The following RCBTB2 variants were observed in gnomAD, a reference collection of about 807,000 sequenced individuals.
RCBTB2 encodes the protein RCC1 and BTB domain-containing protein 2.
In RCBTB2, 55 loss-of-function variants were observed where a neutral mutation model predicts 65.4. The ratio of observed to expected loss-of-function variants is 0.84; its 90% CI spans 0.68 to 1.05. RCBTB2 has a LOEUF of 1.05. RCBTB2 is among the 50% of genes least tolerant of loss of function. The pLI is 0.00. For missense variants in RCBTB2, 599 were observed against 680.1 expected, an observed-to-expected ratio of 0.88 and a Z score of 1.33; for synonymous variants, 220 against 255.2, an observed-to-expected ratio of 0.86 and a Z score of 1.31.
intron 13 of RCBTB2, among the ~76,000 whole-genome samples, chr13:48,496,786 G>A (rs115731845): frequency 0.065 from 7,933 of 122,744 alleles, 960 homozygotes; most frequent in African/African-American, 0.23. Context: ...GAGGGGAGAA[G>A]AGAAGAGGGG....
intron 14 of RCBTB2, 151 bp downstream of exon 14, chr13:48,496,040 C>T (rs943578647): frequency 1.7e-6 from 1 of 573,250 alleles, no homozygotes; most frequent in Admixed American, 4.3e-5. Context: ...TAAATACTTG[C>T]TTATACGTTG....
chr13:48,534,259 A>G (rs1050207087), upstream of RCBTB2, among the ~76,000 whole-genome samples: 1 of 152,258 alleles, frequency 6.6e-6, no homozygotes, highest in African/African-American at 2.4e-5. Context: ...CATCTTATCA[A>G]TGAAAGAAAT....
upstream of RCBTB2, among the ~76,000 whole-genome samples, chr13:48,534,757 G>C (rs1240653104): frequency 6.6e-6 from 1 of 152,214 alleles, no homozygotes; most frequent in African/African-American, 2.4e-5. Context: ...TCACATATAA[G>C]TTTCCTTCAA....
chr13:48,521,774 CTG>C (rs1469419204), intron 4 of RCBTB2, 122 bp downstream of exon 4: 3 of 866,296 alleles, frequency 3.5e-6, no homozygotes, highest in Non-Finnish European at 5.6e-6. Context: ...AGTGATTACA[CTG>C]TGAGCCCCTC....
At chr13:48,520,239 T>G (rs1412780390) in intron 4 of RCBTB2, among the ~76,000 whole-genome samples, 1 of 152,106 alleles carries the variant, frequency 6.6e-6, no homozygotes, top group Non-Finnish European at 1.5e-5. Flanking sequence ...TAGTCCCCCA[T>G]AGGAGCCTCA....
intron 10 of RCBTB2, among the ~76,000 whole-genome samples, chr13:48,504,571 C>T (rs1305381879): frequency 6.6e-6 from 1 of 152,208 alleles, no homozygotes; most frequent in East Asian, 1.9e-4. Flanking sequence ...CACACCATTC[C>T]AGCCTGGCCC....
chr13:48,517,801 C>T (rs1327345808), intron 4 of RCBTB2, among the ~76,000 whole-genome samples: 1 of 152,102 alleles, frequency 6.6e-6, no homozygotes, highest in Admixed American at 6.5e-5. Flanking sequence ...TGAATGGCTT[C>T]CCCCCAAAGT....
At position 48,524,144 on chromosome 13, in the gene RCBTB2, T is replaced by A. The variant is rs9331955; in HGVS notation, c.-120+515A>T. The stretch of plus-strand genomic sequence containing the variant: ...TTTTACATTATTTCAATGTGATGCA[T>A]ACATAATAAAGAAAACTATCATCCC... On this transcript the variant is annotated intron_variant, in intron 2 of 14. Coordinates refer to ENST00000344532, the MANE Select transcript of RCBTB2 (RefSeq NM_001268.4). Among the ~76,000 whole-genome samples, 64 of 152,216 alleles carry A rather than the reference T, an allele frequency of 4.2e-4. 1 individual carries two copies. The South Asian group carries it at 0.013, about 31-fold the overall frequency.
At chr13:48,532,791 G>C (rs781582732) in intron 1 of RCBTB2, 1 of 316,602 alleles carries the variant, frequency 3.2e-6, no homozygotes, top group Non-Finnish European at 6.2e-6. Context: ...GGCCTGGGCT[G>C]GGTGTAGCCC....
intron 12 of RCBTB2, 86 bp downstream of exon 12, chr13:48,501,656 A>T: frequency 8.8e-7 from 1 of 1,141,466 alleles, no homozygotes; most frequent in Non-Finnish European, 1.3e-6. Flanking sequence ...TTTCTTGATT[A>T]CTGAGGTGCC....
At chr13:48,515,558 G>A (rs757240080) in intron 5 of RCBTB2, 28 bp downstream of exon 5, 2 of 1,560,978 alleles carry the variant, frequency 1.3e-6, no homozygotes, top group South Asian at 1.2e-5. Flanking sequence ...AAAAATGTGA[G>A]TAGCTGATTT....
chr13:48,530,914 C>G (rs1293411200), intron 1 of RCBTB2, among the ~76,000 whole-genome samples: 3 of 152,102 alleles, frequency 2.0e-5, no homozygotes, highest in Non-Finnish European at 2.9e-5. Context: ...TTGTAGAGCA[C>G]GATAAAGAAC....
At chr13:48,528,935 T>C (rs960263633) in intron 1 of RCBTB2, among the ~76,000 whole-genome samples, 29 of 152,298 alleles carry the variant, frequency 1.9e-4, no homozygotes, top group African/African-American at 6.5e-4. Context: ...CAGAAAACTG[T>C]TGTGTAGAAT....
In RCBTB2 at chr13:48,527,324, TATATATATATATG is replaced by T. The variant is rs1593812499; in HGVS notation, c.-218-2580_-218-2568del. Reference sequence around the variant, plus strand: ...TTTGGGATATATGACTTGGCTCATATATATATATATATGATATATATATATATGATATATATTT... The same window carrying T: ...TTTGGGATATATGACTTGGCTCATATATATATATATATATGATATATATTT... On this transcript the variant is annotated intron_variant, in intron 1 of 14. Transcript: ENST00000344532. Among the ~76,000 whole-genome samples, 23 of 126,572 alleles carry T rather than the reference TATATATATATATG, an allele frequency of 1.8e-4. 1 individual carries two copies. The highest frequency in any genetic ancestry group is 8.6e-4 in the African/African-American group (20 of 23,146). The allele number at this position is 126,572 out of a possible 152,430, so 83.0% of individuals were successfully genotyped here.
At chr13:48,514,497 T>C (rs1420270996) in intron 6 of RCBTB2, among the ~76,000 whole-genome samples, 1 of 152,260 alleles carries the variant, frequency 6.6e-6, no homozygotes, top group Non-Finnish European at 1.5e-5. Flanking sequence ...TATCTGGTTA[T>C]CTCTGACTAT....
chr13:48,526,477 G>C (rs577643597), intron 1 of RCBTB2, among the ~76,000 whole-genome samples: 1 of 151,810 alleles, frequency 6.6e-6, no homozygotes, highest in Non-Finnish European at 1.5e-5. Flanking sequence ...TGGAGGCTGC[G>C]GTGAACCATG....
In RCBTB2 at chr13:48,510,671, C is replaced by T. The variant is rs920862643; in HGVS notation, c.884G>A (p.Ser295Asn). ...SYGQLGTGNK[S>N]NQSYPTPVTV... ...GACAGGAGTAGGATAGGACTGGTTG[C>T]TTTTATTGCCAGTGCCCAACTGCCC... Residue 295 changes from serine to asparagine, a missense_variant, in exon 10 of 15, where the codon AGC becomes AAC. Coordinates refer to ENST00000344532, the MANE Select transcript of RCBTB2 (RefSeq NM_001268.4). The T allele has an allele frequency of 1.9e-6, 3 of 1,614,062 alleles. No homozygotes were observed. Among genetic ancestry groups the T allele is most frequent in the African/African-American group, 2.7e-5 (2 of 74,906 alleles).
intron 7 of RCBTB2, 97 bp from the exon 8 acceptor site, chr13:48,512,271 A>T: frequency 9.7e-7 from 1 of 1,031,750 alleles, no homozygotes; most frequent in Non-Finnish European, 1.4e-6. Flanking sequence ...CTTTCCTCTC[A>T]AAGTGCTTCA....
At chr13:48,525,402 A>ATATATATATATATATATTCAGT (rs1951664494) in intron 1 of RCBTB2, among the ~76,000 whole-genome samples, 1 of 139,238 alleles carries the variant, frequency 7.2e-6, no homozygotes, top group African/African-American at 2.7e-5. Context: ...ATATATATAT[A>ATATATATATATATATATTCAGT]TATATATATA....
Sources: gnomAD v4.1 joint callset for allele counts (sites outside exome capture counted in the v4.1 genomes callset) on GRCh38, gnomAD v4.1.1 for gene constraint, MANE v1.5 for transcripts, NCBI Gene and HGNC (gene_info 2026-07-23, HGNC 2026-07-21) for gene names.